The following PRKCQ variants were observed in gnomAD, a reference collection of about 807,000 sequenced individuals.
The protein encoded by PRKCQ is protein kinase C theta.
Under a neutral mutation model 91.2 loss-of-function variants are expected in PRKCQ, and 41 were observed. The observed-to-expected ratio is 0.45, with a 90% confidence interval of 0.35 to 0.58. PRKCQ has a LOEUF of 0.58. Ranked by LOEUF, PRKCQ falls within the 20% of genes least tolerant of loss-of-function variation. The pLI, the probability that PRKCQ is intolerant of heterozygous loss-of-function variation, is 0.00. For synonymous variants in PRKCQ, 307 were observed against 316.9 expected (o/e 0.97, Z 0.33); for missense variants, 673 against 896.5 (o/e 0.75, Z 3.18).
the PRKCQ span, among the ~76,000 whole-genome samples, chr10:6,407,497 GGTGT>G: frequency 6.7e-6 from 1 of 150,306 alleles, no homozygotes; most frequent in East Asian, 2.0e-4. The surrounding 1 kb of genome is among the most constrained non-coding windows in gnomAD (Gnocchi z 4.0). Flanking sequence ...GTGTGTGTAT[GGTGT>G]GTATGTATGG....
intron 9 of PRKCQ, 35 bp downstream of exon 9, chr10:6,486,000 C>T (rs747774132): frequency 1.3e-6 from 2 of 1,567,372 alleles, no homozygotes; most frequent in Non-Finnish European, 1.8e-6. Context: ...GCTGAGCGGC[C>T]ATGGCGGGAA....
the PRKCQ span, among the ~76,000 whole-genome samples, chr10:6,406,834 A>C: frequency 6.6e-6 from 1 of 152,232 alleles, no homozygotes; most frequent in South Asian, 2.1e-4. Flanking sequence ...GATACTTTTC[A>C]GCTACAAGAT....
At position 6,491,675 on chromosome 10, in the gene PRKCQ, G is replaced by T; in HGVS notation, c.790+8C>A. 6.2e-7 allele frequency: 1 copy of T among 1,614,088 alleles called. No homozygotes were observed. The highest frequency in any genetic ancestry group is 8.5e-7 in the Non-Finnish European group (1 of 1,179,990). ...CGTCGGGCCATGCTCATCCCCCACT[G>T]GACTCACCATCACACTTGAGTCCTT... On this transcript the variant is annotated splice_region_variant and intron_variant, in intron 8 of 17. Coordinates refer to ENST00000263125, the MANE Select transcript of PRKCQ (RefSeq NM_006257.5).
intron 1 of PRKCQ, among the ~76,000 whole-genome samples, chr10:6,521,405 C>T (rs765384578): frequency 1.3e-5 from 2 of 152,154 alleles, no homozygotes; most frequent in Non-Finnish European, 1.5e-5. Context: ...AACAAAAGAT[C>T]GATGCCCTCA....
intron 1 of PRKCQ, among the ~76,000 whole-genome samples, chr10:6,573,001 T>A (rs911082295): frequency 6.6e-6 from 1 of 152,260 alleles, no homozygotes; most frequent in Admixed American, 6.5e-5. Flanking sequence ...ATTGAGGGTT[T>A]TTTTTCCATG....
intron 14 of PRKCQ, among the ~76,000 whole-genome samples, chr10:6,461,371 A>T (rs1835340744): frequency 6.6e-6 from 1 of 152,250 alleles, no homozygotes; most frequent in African/African-American, 2.4e-5. Flanking sequence ...TACACATATA[A>T]AGAAAAATTT....
chr10:6,440,672 G>A (rs1053751291), intron 16 of PRKCQ, among the ~76,000 whole-genome samples: 2 of 152,126 alleles, frequency 1.3e-5, no homozygotes, highest in Non-Finnish European at 2.9e-5. Flanking sequence ...AAGGAAGCAG[G>A]AGTCCCAGCT....
chr10:6,467,349 GAGAGAGAC>G (rs1564324130), intron 12 of PRKCQ, among the ~76,000 whole-genome samples: 18 of 127,672 alleles, frequency 1.4e-4, no homozygotes, highest in Non-Finnish European at 2.2e-4. Context: ...GAGAGAGAGA[GAGAGAGAC>G]AGAGAGAGAG....
At chr10:6,567,480 A>G (rs1329884572) in intron 1 of PRKCQ, among the ~76,000 whole-genome samples, 1 of 152,254 alleles carries the variant, frequency 6.6e-6, no homozygotes, top group Admixed American at 6.5e-5. Flanking sequence ...AATTCTGCAG[A>G]CAAAGATGAG....
chr10:6,494,956 G>A (rs982247966), intron 7 of PRKCQ, among the ~76,000 whole-genome samples: 9 of 152,116 alleles, frequency 5.9e-5, no homozygotes, highest in Admixed American at 5.9e-4. Flanking sequence ...TCACTCCGTC[G>A]TGGCTCTGTT....
chr10:6,491,754 T>C lies in PRKCQ; in HGVS notation c.719A>G (p.Lys240Arg), dbSNP rs1837318261. 1 of 1,614,200 alleles carries C rather than the reference T, an allele frequency of 6.2e-7. No individual in the cohort carries two copies. Residue 240 changes from lysine to arginine, a missense_variant, in exon 8 of 18, where the codon AAG (lysine) becomes AGG (arginine). By Grantham distance (26) the Lys-to-Arg change is conservative. Transcript: ENST00000263125. ...MPHRFKVYNYKSPTFCEHCGT... is the reference protein window; with the variant it reads ...MPHRFKVYNYRSPTFCEHCGT... ...ACAGTGTTCACAGAAGGTCGGGCTCTTGTAATTGTAGACTTTAAATCTGTG... is the reference window on the plus strand; with the variant it reads ...ACAGTGTTCACAGAAGGTCGGGCTCCTGTAATTGTAGACTTTAAATCTGTG...
intron 1 of PRKCQ, among the ~76,000 whole-genome samples, chr10:6,571,701 G>A (rs928586106): frequency 2.0e-5 from 3 of 152,070 alleles, no homozygotes; most frequent in Admixed American, 1.3e-4. Flanking sequence ...AGCTACTCTC[G>A]AGGCTGACAC....
At chr10:6,481,357 A>G (rs1340449562) in intron 11 of PRKCQ, among the ~76,000 whole-genome samples, 1 of 152,280 alleles carries the variant, frequency 6.6e-6, no homozygotes, top group Non-Finnish European at 1.5e-5. Context: ...AAAACCAGCC[A>G]TAAACTAAGA....
chr10:6,434,582 C>T (rs1833604591), intron 16 of PRKCQ, among the ~76,000 whole-genome samples: 1 of 152,088 alleles, frequency 6.6e-6, no homozygotes, highest in African/African-American at 2.4e-5. Flanking sequence ...TGGAAAGCTG[C>T]ACTGAGGAAA....
At chr10:6,425,126 G>A (rs1360165709), downstream of PRKCQ, among the ~76,000 whole-genome samples, 1 of 152,112 alleles carries the variant, frequency 6.6e-6, no homozygotes, top group Non-Finnish European at 1.5e-5. Flanking sequence ...ACTCTGGAAT[G>A]AAGCAAGATC....
intron 15 of PRKCQ, among the ~76,000 whole-genome samples, chr10:6,446,522 C>T (rs542532281): frequency 2.4e-4 from 36 of 152,122 alleles, no homozygotes; most frequent in Admixed American, 7.2e-4. Context: ...TGTGCCACCA[C>T]ATCCAGCTAA....
Position 6,515,144 on chromosome 10 carries a change from C to G in PRKCQ, c.-9G>C, listed in dbSNP as rs1400031072. The G allele has an allele frequency of 3.7e-6, 6 of 1,612,114 alleles. No individual in the cohort carries two copies. Among genetic ancestry groups the G allele is most frequent in the East Asian group, 2.2e-5 (1 of 44,856 alleles). On this transcript the variant is annotated splice_region_variant and 5_prime_UTR_variant, in exon 2 of 18. Transcript: ENST00000263125. ...CGAAGAAATGGCGACATGGTTGCGC[C>G]CTGGAAAAAGACAAAAGACAAACGC...
chr10:6,567,073 C>T (rs182218158), intron 1 of PRKCQ, among the ~76,000 whole-genome samples: 13 of 152,190 alleles, frequency 8.5e-5, no homozygotes, highest in Non-Finnish European at 5.9e-5. Context: ...AGAGAAGACT[C>T]GGTACATGCT....
At chr10:6,408,903 C>T in the PRKCQ span, among the ~76,000 whole-genome samples, 4 of 152,200 alleles carry the variant, frequency 2.6e-5, no homozygotes, top group Non-Finnish European at 4.4e-5. Flanking sequence ...AGAAGTGGAA[C>T]GGTGGTCATA....
Sources: allele counts gnomAD v4.1 joint callset (sites outside exome capture counted in the v4.1 genomes callset), GRCh38; gene constraint gnomAD v4.1.1; non-coding constraint Gnocchi (gnomAD v3.1); transcripts MANE v1.5; gene names NCBI Gene and HGNC (gene_info 2026-07-23, HGNC 2026-07-21).